Variants in RBPMS observed in about 807,000 individuals in gnomAD.
RBPMS encodes RNA binding protein, mRNA processing factor.
In RBPMS, 7 loss-of-function variants were observed where a neutral mutation model predicts 26.8. The ratio of observed to expected loss-of-function variants is 0.26; its 90% confidence interval spans 0.15 to 0.49. RBPMS has a LOEUF of 0.49. Ranked by LOEUF, RBPMS falls within the 20% of genes least tolerant of loss-of-function variation. The pLI, the probability that RBPMS is intolerant of heterozygous loss-of-function variation, is 0.98. For synonymous variants in RBPMS, 96 were observed against 93.3 expected, an observed-to-expected ratio of 1.03 and a Z score of -0.17; for missense variants, 186 against 250.0, an observed-to-expected ratio of 0.74 and a Z score of 1.73.
At chr8:30,550,409 G>C (rs960317858) in intron 6 of RBPMS, among the ~76,000 whole-genome samples, 2 of 152,178 alleles carry the variant, frequency 1.3e-5, no homozygotes, top group African/African-American at 2.4e-5. Flanking sequence ...CATATTAGAA[G>C]GGCTTCATGT....
At position 30,512,062 on chromosome 8, in the gene RBPMS, AAGTC is replaced by A. The variant is rs538378982; in HGVS notation, c.397+7635_397+7638del. On this transcript the variant is annotated intron_variant, in intron 5 of 8. Transcript: ENST00000397323. ...AGTCCACGTTAAGAGAACATGCCTC[AAGTC>A]AGTCAGTCTCTCTCTGTTTTTGAAG... is the stretch of plus-strand genomic sequence containing the variant. Among the ~76,000 whole-genome samples the A allele has an allele frequency of 1.2e-3, 185 of 152,226 alleles. 1 individual carries two copies. Among genetic ancestry groups the A allele is most frequent in the Middle Eastern group, 6.8e-3 (2 of 294 alleles).
At chr8:30,386,716 A>G (rs748975425) in intron 1 of RBPMS, among the ~76,000 whole-genome samples, 10 of 152,300 alleles carry the variant, frequency 6.6e-5, no homozygotes, top group Non-Finnish European at 1.2e-4. Flanking sequence ...GAATTACCAT[A>G]TTTAACTAAT....
At chr8:30,413,125 C>G (rs1471784717) in intron 1 of RBPMS, among the ~76,000 whole-genome samples, 2 of 152,238 alleles carry the variant, frequency 1.3e-5, no homozygotes, top group Non-Finnish European at 2.9e-5. Flanking sequence ...GTTGCCCAGG[C>G]TGGAGTGCAG....
intron 6 of RBPMS, chr8:30,549,615 C>G: frequency 6.4e-7 from 1 of 1,562,126 alleles, no homozygotes; most frequent in Non-Finnish European, 8.8e-7. Flanking sequence ...CCTGGCTTAG[C>G]TCTCACAGGA....
In RBPMS at chr8:30,519,454, CTCTCTTTTTTTTTTTTTTT is replaced by C. The variant is rs1563403559; in HGVS notation, c.397+15020_397+15038del. On this transcript the variant is annotated intron_variant, in intron 5 of 8. Coordinates refer to ENST00000397323, the MANE Select transcript of RBPMS (RefSeq NM_001008710.3). ...TCTCTCACCCTACGTGGGAGGATCTCTCTCTTTTTTTTTTTTTTTTTTTTTTTTTTTTTTTTTTTTTTTT... is the reference window on the plus strand; with the variant it reads ...TCTCTCACCCTACGTGGGAGGATCTCTTTTTTTTTTTTTTTTTTTTTTTTT... 3.4e-4 allele frequency among the ~76,000 whole-genome samples: 42 copies of C among 123,500 alleles called. 1 individual carries two copies. Among genetic ancestry groups the C allele is most frequent in the African/African-American group, 1.2e-3 (37 of 30,116 alleles). 81.0% of individuals were successfully genotyped at this position (123,500 alleles called of 152,430 possible).
At chr8:30,416,004 T>C (rs552750079) in intron 1 of RBPMS, among the ~76,000 whole-genome samples, 1 of 152,344 alleles carries the variant, frequency 6.6e-6, no homozygotes, top group East Asian at 1.9e-4. Flanking sequence ...TATGTGCCAT[T>C]GCAATGTGGG....
intron 5 of RBPMS, among the ~76,000 whole-genome samples, chr8:30,504,854 A>C (rs2150936373): frequency 6.6e-6 from 1 of 152,312 alleles, no homozygotes; most frequent in Non-Finnish European, 1.5e-5. Context: ...AAAGAGAAAG[A>C]AGCAGATCTT....
chr8:30,513,906 A>T, intron 5 of RBPMS, among the ~76,000 whole-genome samples: 1 of 152,126 alleles, frequency 6.6e-6, no homozygotes, highest in East Asian at 1.9e-4. Flanking sequence ...CTTTTACAGT[A>T]TGGCAGTTCT....
intron 6 of RBPMS, 93 bp from the exon 7 acceptor site, chr8:30,558,794 A>G (rs760584994): frequency 2.6e-5 from 27 of 1,040,562 alleles, no homozygotes; most frequent in Non-Finnish European, 3.9e-5. Context: ...CCATCTTGGA[A>G]CAGTAGGGAA....
intron 5 of RBPMS, among the ~76,000 whole-genome samples, chr8:30,540,344 G>C (rs1282050428): frequency 6.6e-6 from 1 of 152,166 alleles, no homozygotes; most frequent in Non-Finnish European, 1.5e-5. Flanking sequence ...AGATCATTTG[G>C]GGTCTTATAG....
At chr8:30,530,855 TTTTG>T (rs1427040412) in intron 5 of RBPMS, among the ~76,000 whole-genome samples, 6 of 152,178 alleles carry the variant, frequency 3.9e-5, no homozygotes, top group Non-Finnish European at 8.8e-5. Flanking sequence ...CCTCCTCCTC[TTTTG>T]ATGAGGAAAT....
chr8:30,427,694 T>C (rs1421871613), intron 1 of RBPMS, among the ~76,000 whole-genome samples: 1 of 152,238 alleles, frequency 6.6e-6, no homozygotes. Flanking sequence ...TAATCGTCTT[T>C]GATCATGCAG....
chr8:30,494,318 C>CA (rs1819703013), intron 4 of RBPMS, among the ~76,000 whole-genome samples: 1 of 152,078 alleles, frequency 6.6e-6, no homozygotes, highest in South Asian at 2.1e-4. Context: ...AGAACCTCTC[C>CA]AAAAAAGCCA....
At chr8:30,533,233 A>G (rs1312366256) in intron 5 of RBPMS, among the ~76,000 whole-genome samples, 1 of 152,170 alleles carries the variant, frequency 6.6e-6, no homozygotes, top group African/African-American at 2.4e-5. Context: ...CACTGCGATC[A>G]TGGAGTATGC....
intron 1 of RBPMS, among the ~76,000 whole-genome samples, chr8:30,424,951 G>GTATT (rs776606601): frequency 2.6e-5 from 4 of 151,970 alleles, no homozygotes; most frequent in Admixed American, 6.6e-5. Context: ...TTTATTCCAT[G>GTATT]TATTTATTTA....
chr8:30,521,515 G>A (rs563634647), intron 5 of RBPMS, among the ~76,000 whole-genome samples: 2 of 152,322 alleles, frequency 1.3e-5, no homozygotes, highest in Non-Finnish European at 2.9e-5. Flanking sequence ...AGATTGAAAC[G>A]TAGTAGGCTC....
intron 6 of RBPMS, 95 bp from the exon 7 acceptor site, chr8:30,558,792 G>T: frequency 9.7e-7 from 1 of 1,029,816 alleles, no homozygotes; most frequent in Non-Finnish European, 1.5e-6. Flanking sequence ...TACCATCTTG[G>T]AACAGTAGGG....
At chr8:30,393,771 G>T (rs1333481070) in intron 1 of RBPMS, among the ~76,000 whole-genome samples, 1 of 151,870 alleles carries the variant, frequency 6.6e-6, no homozygotes, top group Non-Finnish European at 1.5e-5. Flanking sequence ...CACCCGCCTC[G>T]GCCTGCCAAA....
In RBPMS at chr8:30,570,882, A is replaced by G. The variant is rs947863133; in HGVS notation, c.*357A>G. Reference sequence around the variant, plus strand: ...AAAACCAAGAAAAGTGAGTATTTTTATACCAAACATTTTAAGTATGCTGGG... The same window carrying G: ...AAAACCAAGAAAAGTGAGTATTTTTGTACCAAACATTTTAAGTATGCTGGG... On this transcript the variant is annotated 3_prime_UTR_variant, in exon 9 of 9. Transcript: ENST00000397323. 1 of 152,268 alleles carries G rather than the reference A, an allele frequency of 6.6e-6. No homozygotes were observed. The highest frequency in any genetic ancestry group is 2.4e-5 in the African/African-American group (1 of 41,456). The allele number at this position is 152,268 out of a possible 1,614,324, so 9.4% of individuals were successfully genotyped here. A position where few individuals can be genotyped will look rare whatever the true frequency, so the allele number is the denominator to read the frequency against.
Sources: gnomAD v4.1 joint callset for allele counts (sites outside exome capture counted in the v4.1 genomes callset) on GRCh38, gnomAD v4.1.1 for gene constraint, MANE v1.5 for transcripts, NCBI Gene and HGNC (gene_info 2026-07-23, HGNC 2026-07-21) for gene names.